Variants in EYA3 observed in about 807,000 individuals in gnomAD.
The protein encoded by EYA3 is protein phosphatase EYA3.
A neutral mutation model predicts 80.0 loss-of-function variants in EYA3; 39 were observed. The ratio of observed to expected loss-of-function variants is 0.49; its 90% CI spans 0.38 to 0.64. The LOEUF (loss-of-function observed/expected upper bound fraction) is 0.64. EYA3 is among the 30% of genes least tolerant of loss of function. The pLI is 0.00. For synonymous variants in EYA3, 206 were observed against 232.8 expected, an observed-to-expected ratio of 0.88 and a Z score of 1.05; for missense variants, 523 against 676.1, an observed-to-expected ratio of 0.77 and a Z score of 2.51.
intron 6 of EYA3, among the ~76,000 whole-genome samples, chr1:28,033,008 C>T (rs576651848): frequency 1.8e-4 from 28 of 152,244 alleles, no homozygotes; most frequent in Middle Eastern, 3.4e-3. Flanking sequence ...TAGGGCTGTT[C>T]TGAGGATTAC....
At chr1:27,997,717 G>C (rs1640556314) in intron 12 of EYA3, among the ~76,000 whole-genome samples, 1 of 152,168 alleles carries the variant, frequency 6.6e-6, no homozygotes, top group Non-Finnish European at 1.5e-5. Context: ...TTACAATGCA[G>C]GTCTCTTGGG....
rs374689783 is a variant in EYA3, at chr1:28,009,639, AAACAACAACAACAAC to A, written c.909+1293_909+1307del. On this transcript the variant is annotated intron_variant, in intron 10 of 17. Transcript: ENST00000373871. The surrounding 1 kb of genome is among the most constrained non-coding windows in gnomAD (Gnocchi z 4.8). The stretch of plus-strand genomic sequence containing the variant: ...CACTCCAGCCTGAGACTCCATCTCA[AAACAACAACAACAAC>A]AACAACAACAACAAAAAACCATTAT... 1.8e-5 allele frequency among the ~76,000 whole-genome samples: 2 copies of A among 108,136 alleles called. No homozygotes were observed. The highest frequency in any genetic ancestry group is 4.3e-5 in the Non-Finnish European group (2 of 46,892). The allele number at this position is 108,136 out of a possible 152,430, so 70.9% of individuals were successfully genotyped here.
Position 28,020,337 on chromosome 1 carries a change from A to G in EYA3, c.500-3098T>C, listed in dbSNP as rs573386000. Among the ~76,000 whole-genome samples the G allele has an allele frequency of 3.3e-5, 5 of 152,314 alleles. No homozygotes were observed. The South Asian group carries it at 1.0e-3, about 32-fold the overall frequency. ...TGACCCAGAAAGTTCATAGGGCTTA[A>G]TAACACTTTTTTCTCCAACTAAGCC... On this transcript the variant is annotated intron_variant, in intron 7 of 17. Coordinates refer to ENST00000373871, the MANE Select transcript of EYA3 (RefSeq NM_001990.4).
intron 14 of EYA3, chr1:27,990,178 G>T: frequency 6.3e-6 from 1 of 159,878 alleles, no homozygotes; most frequent in South Asian, 1.6e-4. Context: ...AAAGCATGAT[G>T]AGTGCAATGA....
intron 10 of EYA3, among the ~76,000 whole-genome samples, chr1:28,008,857 T>C (rs1641485221): frequency 6.6e-6 from 1 of 152,156 alleles, no homozygotes; most frequent in Non-Finnish European, 1.5e-5. Flanking sequence ...GGCACAAGAA[T>C]TGCTTGAACC....
rs187589313 is a variant in EYA3, at chr1:28,042,070, C to A, written c.157+501G>T. On this transcript the variant is annotated intron_variant, in intron 4 of 17. Transcript: ENST00000373871. Reference sequence around the variant, plus strand: ...AGATTCCCTATCCACATCAGATCTACTGAATGATAATCTTTGGAGGTGAAA... The same window carrying A: ...AGATTCCCTATCCACATCAGATCTAATGAATGATAATCTTTGGAGGTGAAA... Among the ~76,000 whole-genome samples, 463 of 152,248 alleles carry A rather than the reference C, an allele frequency of 3.0e-3. 1 individual carries two copies. Among genetic ancestry groups the A allele is most frequent in the South Asian group, 0.012 (58 of 4,822 alleles).
At chr1:28,020,472 A>G (rs1244522445) in intron 7 of EYA3, among the ~76,000 whole-genome samples, 1 of 152,182 alleles carries the variant, frequency 6.6e-6, no homozygotes. Context: ...AAATAGTAAG[A>G]CAAAGTCCTG....
At chr1:28,008,443 A>T (rs908805702) in intron 10 of EYA3, among the ~76,000 whole-genome samples, 1 of 152,100 alleles carries the variant, frequency 6.6e-6, no homozygotes, top group African/African-American at 2.4e-5. Flanking sequence ...GCACAGCAAT[A>T]ATAGAAATCA....
intron 1 of EYA3, among the ~76,000 whole-genome samples, chr1:28,074,244 G>T (rs1386632533): frequency 6.6e-6 from 1 of 152,062 alleles, no homozygotes; most frequent in African/African-American, 2.4e-5. Context: ...AATTGAAATG[G>T]TGGAAGAATT....
chr1:28,048,483 T>C lies in EYA3; in HGVS notation c.34-57A>G. On this transcript the variant is annotated intron_variant, in intron 2 of 17. Transcript: ENST00000373871. ...TACTTGATCTGTTTTTTAAATCATT[T>C]AGCTACTCAAACAACAGGCTATTAA... The C allele has an allele frequency of 2.2e-6, 3 of 1,385,858 alleles. No individual in the cohort carries two copies. The South Asian group carries it at 3.7e-5, about 17-fold the overall frequency. The allele number at this position is 1,385,858 out of a possible 1,614,324, so 85.8% of individuals were successfully genotyped here.
Position 27,989,935 on chromosome 1 carries a change from T to C in EYA3, c.1304-124A>G, listed in dbSNP as rs546759565. The C allele has an allele frequency of 1.1e-5, 5 of 450,020 alleles. No homozygotes were observed. The East Asian group carries it at 1.2e-4, about 11-fold the overall frequency. The allele number at this position is 450,020 out of a possible 1,614,324, so 27.9% of individuals were successfully genotyped here. On this transcript the variant is annotated intron_variant, in intron 14 of 17. Coordinates refer to ENST00000373871, the MANE Select transcript of EYA3 (RefSeq NM_001990.4). ...TGAAATATTCTACTGAGTATGTTTA[T>C]ATATATATATATACATATACGTATT...
intron 1 of EYA3, among the ~76,000 whole-genome samples, chr1:28,060,928 C>T (rs887506615): frequency 4.6e-5 from 7 of 152,146 alleles, no homozygotes; most frequent in Admixed American, 3.9e-4. Flanking sequence ...GCAAGAGAAT[C>T]GCGTGAACCT....
intron 2 of EYA3, among the ~76,000 whole-genome samples, chr1:28,055,357 A>G (rs960682563): frequency 1.3e-5 from 2 of 152,172 alleles, no homozygotes; most frequent in Non-Finnish European, 2.9e-5. Context: ...TTATAGTAAT[A>G]TAACAAAGTT....
At chr1:28,076,678 A>AG (rs1557650653) in intron 1 of EYA3, among the ~76,000 whole-genome samples, 1 of 55,948 alleles carries the variant, frequency 1.8e-5, no homozygotes, top group African/African-American at 8.0e-5. Flanking sequence ...AAAAAAAAAA[A>AG]AAAAGAAAGA....
intron 7 of EYA3, among the ~76,000 whole-genome samples, chr1:28,024,242 A>ATATATAT: frequency 6.6e-6 from 1 of 152,018 alleles, no homozygotes; most frequent in East Asian, 1.9e-4. Flanking sequence ...CCGTCTCAAA[A>ATATATAT]AACAACAAAC....
intron 6 of EYA3, among the ~76,000 whole-genome samples, chr1:28,030,538 T>C (rs1304440117): frequency 6.6e-6 from 1 of 152,196 alleles, no homozygotes; most frequent in African/African-American, 2.4e-5. Flanking sequence ...CCTCCTGCCT[T>C]GACCTCCCAA....
At chr1:27,975,807 T>G (rs936648087) in intron 17 of EYA3, among the ~76,000 whole-genome samples, 1 of 151,472 alleles carries the variant, frequency 6.6e-6, no homozygotes, top group Non-Finnish European at 1.5e-5. Context: ...TAAATTAAAT[T>G]AATTTTTTAT....
At chr1:27,993,030 A>G (rs1640179934) in intron 14 of EYA3, among the ~76,000 whole-genome samples, 1 of 152,146 alleles carries the variant, frequency 6.6e-6, no homozygotes, top group Admixed American at 6.5e-5. Flanking sequence ...AGCTAGTTCT[A>G]CTTAACTTGT....
At chr1:28,032,703 AC>A (rs1643219224) in intron 6 of EYA3, among the ~76,000 whole-genome samples, 1 of 152,196 alleles carries the variant, frequency 6.6e-6, no homozygotes, top group Non-Finnish European at 1.5e-5. Context: ...CCATTTGTAT[AC>A]AGCTCTGGGA....
Sources: allele counts gnomAD v4.1 joint callset (sites outside exome capture counted in the v4.1 genomes callset), GRCh38; gene constraint gnomAD v4.1.1; non-coding constraint Gnocchi (gnomAD v3.1); transcripts MANE v1.5; gene names NCBI Gene and HGNC (gene_info 2026-07-23, HGNC 2026-07-21).